The following ROBO2 variants were observed in gnomAD, a reference collection of about 807,000 sequenced individuals.
The protein encoded by ROBO2 is roundabout homolog 2.
A neutral mutation model predicts 160.8 loss-of-function variants in ROBO2; 53 were observed. The ratio of observed to expected loss-of-function variants is 0.33; its 90% CI spans 0.26 to 0.41. The LOEUF is 0.41. Among genes scored for constraint, ROBO2 ranks in the 10% least tolerant of loss-of-function variants. ROBO2 has a pLI of 1.00. For missense variants in ROBO2, 1,577 were observed against 1,722.4 expected (o/e 0.92, Z 1.49); for synonymous variants, 664 against 611.7 (o/e 1.09, Z -1.26).
chr3:76,108,805 T>TATTA (rs1245658163), intron 2 of ROBO2, among the ~76,000 whole-genome samples: 1 of 151,296 alleles, frequency 6.6e-6, no homozygotes, highest in East Asian at 1.9e-4. Flanking sequence ...TTAAATTAAC[T>TATTA]ATTATTTTGA....
At position 76,568,738 on chromosome 3, in the gene ROBO2, CTTAT is replaced by C. The variant is rs562691135; in HGVS notation, c.110-529267_110-529264del. ...TAAGAATCTGTGAGATATATTGTACCTTATTTATTTATCACCAGCCCCTTTTCTA... is the reference window on the plus strand; with the variant it reads ...TAAGAATCTGTGAGATATATTGTACCTTATTTATCACCAGCCCCTTTTCTA... On this transcript the variant is annotated intron_variant, in intron 2 of 26. Coordinates refer to the ROBO2 transcript ENST00000487694. Among the ~76,000 whole-genome samples, 218 of 152,100 alleles carry C rather than the reference CTTAT, an allele frequency of 1.4e-3. 1 individual carries two copies. The highest frequency in any genetic ancestry group is 5.0e-3 in the South Asian group (24 of 4,802).
At chr3:76,634,635 G>T (rs920368678) in intron 2 of ROBO2, among the ~76,000 whole-genome samples, 2 of 151,246 alleles carry the variant, frequency 1.3e-5, no homozygotes, top group African/African-American at 2.4e-5. Flanking sequence ...CCTCATTTTT[G>T]ATTAATCACC....
chr3:76,702,171 A>G (rs187038328), intron 2 of ROBO2, among the ~76,000 whole-genome samples: 29 of 152,106 alleles, frequency 1.9e-4, no homozygotes, highest in African/African-American at 6.7e-4. Context: ...TTCCATTACC[A>G]AATTAGAAAC....
At chr3:75,920,837 A>G (rs1382130299) in intron 1 of ROBO2, among the ~76,000 whole-genome samples, 1 of 151,670 alleles carries the variant, frequency 6.6e-6, no homozygotes, top group Non-Finnish European at 1.5e-5. Context: ...ATTAGAGACT[A>G]GGATTGAAAC....
intron 2 of ROBO2, among the ~76,000 whole-genome samples, chr3:76,956,674 CAGAG>C (rs1191088545): frequency 1.3e-5 from 2 of 151,400 alleles, no homozygotes; most frequent in Admixed American, 1.3e-4. Flanking sequence ...AAGGACATGG[CAGAG>C]AGAGAGAGAT....
chr3:77,170,175 G>A (rs1412521851), intron 2 of ROBO2, among the ~76,000 whole-genome samples: 1 of 152,028 alleles, frequency 6.6e-6, no homozygotes, highest in Non-Finnish European at 1.5e-5. Context: ...TGCTGCCTAG[G>A]TGGTATTATC....
chr3:77,212,144 G>T (rs1242221085), intron 2 of ROBO2, among the ~76,000 whole-genome samples: 1 of 152,132 alleles, frequency 6.6e-6, no homozygotes, highest in Non-Finnish European at 1.5e-5. Flanking sequence ...GGATGGCATT[G>T]AATCTGTAAA....
At chr3:77,596,651 C>G (rs747025140) in exon 19 of ROBO2, 1 of 1,613,934 alleles carries the variant, frequency 6.2e-7, no homozygotes, top group Non-Finnish European at 8.5e-7. Flanking sequence ...TGCTGGTGAT[C>G]CCAGCTATCC....
intron 1 of ROBO2, among the ~76,000 whole-genome samples, chr3:75,908,878 C>G (rs903923858): frequency 7.9e-5 from 12 of 152,148 alleles, no homozygotes; most frequent in African/African-American, 2.9e-4. Context: ...TAATTTGTGT[C>G]TTATAATCAG....
chr3:77,017,392 C>T (rs1479862814), intron 2 of ROBO2, among the ~76,000 whole-genome samples: 2 of 152,070 alleles, frequency 1.3e-5, no homozygotes, highest in African/African-American at 2.4e-5. Flanking sequence ...ATTATTTGAC[C>T]CCATCAGAGA....
chr3:76,415,025 A>G (rs1045861235), intron 2 of ROBO2, among the ~76,000 whole-genome samples: 7 of 152,206 alleles, frequency 4.6e-5, no homozygotes, highest in Non-Finnish European at 8.8e-5. Flanking sequence ...GAAGGATTAC[A>G]TAAAAATAAG....
At chr3:76,457,276 C>A (rs946499803) in intron 2 of ROBO2, among the ~76,000 whole-genome samples, 1 of 152,176 alleles carries the variant, frequency 6.6e-6, no homozygotes, top group African/African-American at 2.4e-5. Context: ...TGGGTAAATA[C>A]AGCCATTCCA....
chr3:77,021,965 G>C (rs1262904410), intron 2 of ROBO2, among the ~76,000 whole-genome samples: 1 of 152,184 alleles, frequency 6.6e-6, no homozygotes, highest in Non-Finnish European at 1.5e-5. Flanking sequence ...CAGAGGCCGG[G>C]TGTAGTGGCT....
At chr3:76,283,086 A>C (rs1320559190) in intron 2 of ROBO2, among the ~76,000 whole-genome samples, 1 of 141,458 alleles carries the variant, frequency 7.1e-6, no homozygotes, top group Admixed American at 7.2e-5. Context: ...TCAGACTTTT[A>C]AATAAAACAT....
In ROBO2 at chr3:76,108,756, G is replaced by A. The variant is rs1344805978; in HGVS notation, c.109+171154G>A. On this transcript the variant is annotated intron_variant, in intron 2 of 26. Transcript: ENST00000487694. ...TATGTATTACCAAATTCTGTTGATA[G>A]AATTTAACTTAATTAGAATTTTGTT... Among the ~76,000 whole-genome samples the A allele has an allele frequency of 4.0e-5, 6 of 151,204 alleles. No homozygotes were observed. In the East Asian group the frequency reaches 1.2e-3, roughly 29 times the overall value.
chr3:76,511,940 A>G (rs1311795876), intron 2 of ROBO2, among the ~76,000 whole-genome samples: 2 of 152,158 alleles, frequency 1.3e-5, no homozygotes, highest in Admixed American at 1.3e-4. Context: ...ATGGTTGTGA[A>G]TCAAGTTGAG....
chr3:77,213,168 T>A (rs1165707391), intron 2 of ROBO2, among the ~76,000 whole-genome samples: 1 of 152,198 alleles, frequency 6.6e-6, no homozygotes, highest in Non-Finnish European at 1.5e-5. Context: ...CTCCTCCTTG[T>A]ACCTCTGGTA....
intron 2 of ROBO2, among the ~76,000 whole-genome samples, chr3:76,774,913 C>G (rs915165787): frequency 1.3e-5 from 2 of 149,588 alleles, no homozygotes; most frequent in African/African-American, 4.9e-5. Context: ...AAAGCTGGCA[C>G]GAAGGCTCAA....
intron 2 of ROBO2, among the ~76,000 whole-genome samples, chr3:75,997,229 A>T (rs1016370012): frequency 6.6e-6 from 1 of 152,172 alleles, no homozygotes; most frequent in South Asian, 2.1e-4. Context: ...GATTCACTCA[A>T]TTATATCCTC....
Sources: gnomAD v4.1 joint callset for allele counts (sites outside exome capture counted in the v4.1 genomes callset) on GRCh38, gnomAD v4.1.1 for gene constraint, MANE v1.5 for transcripts, NCBI Gene and HGNC (gene_info 2026-07-23, HGNC 2026-07-21) for gene names.